ATL1: variants seen among roughly 807,000 people sequenced by gnomAD.
The protein encoded by ATL1 is atlastin GTPase 1, also known as atlastin-1.
ATL1 carries 31 observed loss-of-function variants against 75.5 expected under a neutral mutation model. That is an observed-to-expected ratio of 0.41 (90% CI 0.31 to 0.55). ATL1 has a LOEUF of 0.55. ATL1 is among the 20% of genes least tolerant of loss of function. The probability of loss-of-function intolerance (pLI) is 0.27; values close to 1 mark genes in which losing one functional copy is unlikely to be tolerated. For synonymous variants in ATL1, 226 were observed against 233.3 expected, an observed-to-expected ratio of 0.97 and a Z score of 0.28; for missense variants, 405 against 662.6, an observed-to-expected ratio of 0.61 and a Z score of 4.27.
At position 50,628,423 on chromosome 14, in the gene ATL1, A is replaced by T. The variant is rs1265080759; in HGVS notation, c.1512A>T (p.Gly504=). The T allele has an allele frequency of 6.2e-7, 1 of 1,614,108 alleles. No homozygotes were observed. Reference sequence around the variant, plus strand: ...ACTCTGGAGAATACCGAGAGCTGGGAGCTGTAATAGACCAGGTGGCTGCAG... The same window carrying T: ...ACTCTGGAGAATACCGAGAGCTGGGTGCTGTAATAGACCAGGTGGCTGCAG... ...IRYSGEYREL[G]AVIDQVAAAL... The change falls in exon 12 of 14, where the codon GGA becomes GGT. Residue 504 remains glycine, a synonymous_variant. Coordinates refer to ENST00000358385, the MANE Select transcript of ATL1 (RefSeq NM_015915.5).
chr14:50,554,821 G>T (rs911133522), intron 1 of ATL1, among the ~76,000 whole-genome samples: 1 of 152,130 alleles, frequency 6.6e-6, no homozygotes, highest in African/African-American at 2.4e-5. Flanking sequence ...GGCTGGACTC[G>T]TCTGAGTCAT....
chr14:50,596,902 T>A lies in ATL1; in HGVS notation c.630+1270T>A, dbSNP rs367604999. 7.2e-5 allele frequency among the ~76,000 whole-genome samples: 11 copies of A among 151,968 alleles called. No homozygotes were observed. The East Asian group carries it at 7.7e-4, about 11-fold the overall frequency. On this transcript the variant is annotated intron_variant, in intron 6 of 13. Transcript: ENST00000358385. ...AAGAAGAAAGGCAGAAAATTAGTGA[T>A]AAGTACAAATTAAGAAGAAAAAGTA...
At chr14:50,626,070 C>T (rs2039517857) in intron 11 of ATL1, among the ~76,000 whole-genome samples, 1 of 152,154 alleles carries the variant, frequency 6.6e-6, no homozygotes, top group Non-Finnish European at 1.5e-5. Context: ...TATTACTGCT[C>T]GTTGGCAATG....
upstream of ATL1, chr14:50,560,013 G>T: frequency 1.8e-6 from 1 of 567,794 alleles, no homozygotes; most frequent in Non-Finnish European, 3.2e-6. Flanking sequence ...CGGTCTGGGG[G>T]TGGACTGAGG....
intron 6 of ATL1, among the ~76,000 whole-genome samples, chr14:50,609,390 T>A (rs1010918857): frequency 6.6e-6 from 1 of 151,082 alleles, no homozygotes; most frequent in African/African-American, 2.4e-5. Context: ...TGTGCCAAAT[T>A]AAAAAAAAAC....
chr14:50,538,790 G>C (rs541308473), intron 1 of ATL1, among the ~76,000 whole-genome samples: 2 of 152,054 alleles, frequency 1.3e-5, no homozygotes, highest in Non-Finnish European at 2.9e-5. Context: ...TTGGTGATTC[G>C]CTTAACCCTG....
chr14:50,627,244 A>T (rs529606592), intron 11 of ATL1, among the ~76,000 whole-genome samples: 4 of 152,352 alleles, frequency 2.6e-5, no homozygotes, highest in Admixed American at 2.6e-4. Flanking sequence ...TTTTGCAATA[A>T]AGTGTTCTTA....
Position 50,632,364 on chromosome 14 carries a change from C to A in ATL1, c.*25C>A. 7.0e-7 allele frequency: 1 copy of A among 1,432,522 alleles called. No homozygotes were observed. The highest frequency in any genetic ancestry group is 1.8e-4 in the Middle Eastern group (1 of 5,708). 88.7% of individuals were successfully genotyped at this position (1,432,522 alleles called of 1,614,324 possible). ...ATGCAAATTTTAAGAAATACAGGTG[C>A]ATGACCAATTGTCAATTAAATATTC... On this transcript the variant is annotated 3_prime_UTR_variant, in exon 14 of 14. Coordinates refer to ENST00000358385, the MANE Select transcript of ATL1 (RefSeq NM_015915.5).
intron 1 of ATL1, among the ~76,000 whole-genome samples, chr14:50,535,165 A>G (rs1265629498): frequency 6.6e-6 from 1 of 152,214 alleles, no homozygotes; most frequent in East Asian, 1.9e-4. Context: ...GGTTTGCCAC[A>G]TGCTTTGTAA....
intron 4 of ATL1, among the ~76,000 whole-genome samples, chr14:50,592,480 G>T (rs1371981134): frequency 2.0e-5 from 3 of 151,486 alleles, no homozygotes; most frequent in African/African-American, 7.3e-5. Context: ...ACCAAGACAG[G>T]GTAAACAGAA....
At chr14:50,614,611 GA>G (rs2039397415) in intron 8 of ATL1, 100 bp downstream of exon 8, 4 of 1,293,046 alleles carry the variant, frequency 3.1e-6, no homozygotes, top group Non-Finnish European at 4.4e-6. Context: ...TTTATCCACT[GA>G]TAGGAGGCTG....
At chr14:50,625,604 C>A (rs554749437) in intron 11 of ATL1, among the ~76,000 whole-genome samples, 1 of 152,262 alleles carries the variant, frequency 6.6e-6, no homozygotes, top group East Asian at 1.9e-4. Context: ...ATTTACCATT[C>A]CCCAAATTCT....
chr14:50,564,794 G>A (rs2038887266), intron 1 of ATL1, among the ~76,000 whole-genome samples: 1 of 151,750 alleles, frequency 6.6e-6, no homozygotes, highest in Non-Finnish European at 1.5e-5. Context: ...TTGTTGAAAA[G>A]GCATTTGTGG....
chr14:50,558,384 ATT>A (rs1566712933), upstream of ATL1, among the ~76,000 whole-genome samples: 1 of 152,204 alleles, frequency 6.6e-6, no homozygotes, highest in Non-Finnish European at 1.5e-5. Context: ...ACAGATAATG[ATT>A]TTAAAGCCTC....
At chr14:50,561,156 G>A (rs2038839560) in intron 1 of ATL1, 1 of 152,288 alleles carries the variant, frequency 6.6e-6, no homozygotes. Context: ...AGGCGGAGAA[G>A]AACGGGCGCA....
chr14:50,539,476 T>C (rs1212823075), intron 1 of ATL1, among the ~76,000 whole-genome samples: 1 of 152,212 alleles, frequency 6.6e-6, no homozygotes, highest in East Asian at 1.9e-4. Flanking sequence ...AAGATATGGC[T>C]GAGGACCAAG....
In ATL1 at chr14:50,613,256, T is replaced by C; in HGVS notation, c.631-3T>C. ...ATATCAATCCTTTCTTATTATTTTT[T>C]AGAGTCTGATATTTCTTGTTCGAGA... On this transcript the variant is annotated splice_polypyrimidine_tract_variant and splice_region_variant and intron_variant, in intron 6 of 13. Transcript: ENST00000358385. 6.2e-7 allele frequency: 1 copy of C among 1,609,722 alleles called. No homozygotes were observed. Among genetic ancestry groups the C allele is most frequent in the South Asian group, 1.1e-5 (1 of 90,962 alleles).
chr14:50,564,647 CAAAAAAAAAAAAAAAAA>C (rs60054322), intron 1 of ATL1, among the ~76,000 whole-genome samples: 53 of 40,010 alleles, frequency 1.3e-3, no homozygotes, highest in African/African-American at 5.0e-3. Context: ...GATTCCGTCT[CAAAAAAAAAAAAAAAAA>C]AAAAAAAAAA....
At chr14:50,555,574 G>A (rs571179103), upstream of ATL1, among the ~76,000 whole-genome samples, 80 of 152,272 alleles carry the variant, frequency 5.3e-4, no homozygotes, top group African/African-American at 1.7e-3. Context: ...ATGAGCCACC[G>A]TGGCCAGCCA....
Sources: allele counts gnomAD v4.1 joint callset (sites outside exome capture counted in the v4.1 genomes callset), GRCh38; gene constraint gnomAD v4.1.1; transcripts MANE v1.5; gene names NCBI Gene and HGNC (gene_info 2026-07-23, HGNC 2026-07-21).